The following RAI14 variants were observed in gnomAD, a reference collection of about 807,000 sequenced individuals.
RAI14 encodes ankycorbin.
Under a neutral mutation model 115.4 loss-of-function variants are expected in RAI14, and 45 were observed. The observed-to-expected ratio is 0.39, with a 90% CI of 0.31 to 0.50. RAI14 has a LOEUF of 0.50. RAI14 is among the 20% of genes least tolerant of loss of function. The pLI, the probability that RAI14 is intolerant of heterozygous loss-of-function variation, is 0.85. For synonymous variants in RAI14, 371 were observed against 415.4 expected (o/e 0.89, Z 1.30); for missense variants, 939 against 1,131.2 (o/e 0.83, Z 2.44).
rs764853413 is a variant in RAI14 at position 34,752,701 on chromosome 5, A to ATGTGTG, written c.37-4766_37-4765insGTGTGT. ...TAAGAAATATCTATATTTCTTACAT[A>ATGTGTG]TATGTGTGTGTGTGTGTGTGTGTGT... On this transcript the variant is annotated intron_variant, in intron 2 of 17. Transcript: ENST00000265109. Among the ~76,000 whole-genome samples the ATGTGTG allele has an allele frequency of 5.5e-3, 491 of 90,080 alleles. 5 individuals carry two copies. Among genetic ancestry groups the ATGTGTG allele is most frequent in the Middle Eastern group, 0.025 (4 of 162 alleles). The allele number at this position is 90,080 out of a possible 152,430, so 59.1% of individuals were successfully genotyped here.
chr5:34,751,759 A>G (rs1747057976), intron 2 of RAI14, among the ~76,000 whole-genome samples: 1 of 152,252 alleles, frequency 6.6e-6, no homozygotes. Flanking sequence ...TCTTATACAC[A>G]GGTTGGGGAA....
chr5:34,780,675 A>G (rs1751502287), intron 3 of RAI14, among the ~76,000 whole-genome samples: 1 of 152,194 alleles, frequency 6.6e-6, no homozygotes, highest in African/African-American at 2.4e-5. Context: ...ATAATGAGAT[A>G]CCATCTCACA....
chr5:34,758,937 G>T (rs1269745188), intron 3 of RAI14, among the ~76,000 whole-genome samples: 1 of 152,114 alleles, frequency 6.6e-6, no homozygotes, highest in Non-Finnish European at 1.5e-5. Context: ...AAGAAACCTG[G>T]GGTATCTGTC....
At chr5:34,739,165 A>G (rs1203923168) in intron 2 of RAI14, among the ~76,000 whole-genome samples, 1 of 152,154 alleles carries the variant, frequency 6.6e-6, no homozygotes, top group East Asian at 1.9e-4. Context: ...CACTTACTGA[A>G]TGTTTACCCT....
intron 2 of RAI14, among the ~76,000 whole-genome samples, chr5:34,745,432 T>C (rs912160766): frequency 2.6e-5 from 4 of 152,224 alleles, no homozygotes; most frequent in African/African-American, 7.2e-5. Flanking sequence ...ATTTTTCCTT[T>C]CTGCCATCAT....
intron 2 of RAI14, among the ~76,000 whole-genome samples, chr5:34,734,425 T>G (rs1025901783): frequency 1.3e-5 from 2 of 152,214 alleles, no homozygotes; most frequent in Non-Finnish European, 2.9e-5. Flanking sequence ...GTGGTAACTT[T>G]GTGGTTCGCT....
At chr5:34,747,212 A>G (rs1020388175) in intron 2 of RAI14, among the ~76,000 whole-genome samples, 1 of 152,208 alleles carries the variant, frequency 6.6e-6, no homozygotes, top group African/African-American at 2.4e-5. Context: ...GTGACTGCAT[A>G]TGTTTTTTAA....
chr5:34,704,135 C>T (rs373328094), intron 2 of RAI14, among the ~76,000 whole-genome samples: 6 of 152,152 alleles, frequency 3.9e-5, no homozygotes, highest in Non-Finnish European at 7.4e-5. Flanking sequence ...AGGTCTAATC[C>T]GGCTCAGTCG....
chr5:34,820,756 G>A (rs1475464455), intron 13 of RAI14, among the ~76,000 whole-genome samples: 1 of 152,208 alleles, frequency 6.6e-6, no homozygotes, highest in African/African-American at 2.4e-5. Context: ...GAGGAAGTTT[G>A]CTATCTCTGT....
chr5:34,810,872 G>T (rs1755500857), intron 7 of RAI14, 140 bp from the exon 8 acceptor site: 1 of 1,296,892 alleles, frequency 7.7e-7, no homozygotes. Context: ...TAGGGGTACA[G>T]AATATCAGGT....
rs755427930 is a variant in RAI14, at chr5:34,821,752, A to G, written c.1015A>G (p.Ile339Val). The G allele has an allele frequency of 6.2e-7, 1 of 1,609,024 alleles. No homozygotes were observed. The highest frequency in any genetic ancestry group is 1.3e-5 in the African/African-American group (1 of 74,896). The change falls in exon 14 of 18, where the codon ATA becomes GTA. Residue 339 changes from isoleucine to valine, a missense_variant. Transcript: ENST00000265109. ...STTGADSLLDISSEADQQDLL... is the reference protein window; with the variant it reads ...STTGADSLLDVSSEADQQDLL... ...CCAAGGTGCTGATAGCTTATTGGAT[A>G]TAAGTTCTGAAGCTGACCAACAAGA...
At chr5:34,665,264 G>T (rs1579853234) in intron 1 of RAI14, among the ~76,000 whole-genome samples, 1 of 139,776 alleles carries the variant, frequency 7.2e-6, no homozygotes, top group Non-Finnish European at 1.5e-5. Flanking sequence ...CCACGTTTTT[G>T]CAATCAGTTT....
chr5:34,790,700 T>C (rs1259822739), intron 3 of RAI14, among the ~76,000 whole-genome samples: 12 of 151,146 alleles, frequency 7.9e-5, no homozygotes, highest in Admixed American at 2.0e-4. Context: ...AATAGTAGAA[T>C]ATGGTACAAG....
intron 4 of RAI14, among the ~76,000 whole-genome samples, chr5:34,800,115 A>G (rs1205609820): frequency 2.0e-5 from 3 of 152,222 alleles, no homozygotes; most frequent in East Asian, 1.9e-4. Context: ...TTATAGTGCA[A>G]TATCAACTGT....
chr5:34,688,205 T>C (rs1482193719), intron 2 of RAI14: 8 of 1,551,322 alleles, frequency 5.2e-6, no homozygotes, highest in Non-Finnish European at 2.6e-6. Flanking sequence ...CTGTATGTTA[T>C]GCAGCCTACA....
chr5:34,685,919 T>A (rs1245600997), intron 1 of RAI14: 1 of 152,236 alleles, frequency 6.6e-6, no homozygotes, highest in Non-Finnish European at 1.5e-5. Context: ...TCAGAATTGC[T>A]GAGTCCCACA....
At chr5:34,721,455 C>A (rs1163153626) in intron 2 of RAI14, among the ~76,000 whole-genome samples, 1 of 151,632 alleles carries the variant, frequency 6.6e-6, no homozygotes, top group Non-Finnish European at 1.5e-5. Context: ...CATGCCTAGT[C>A]CAGAGCTCAA....
chr5:34,777,871 TG>T (rs57669915), intron 3 of RAI14, among the ~76,000 whole-genome samples: 5 of 151,008 alleles, frequency 3.3e-5, no homozygotes, highest in South Asian at 2.1e-4. Flanking sequence ...GTGGTGTGTG[TG>T]GGGGGGGTGT....
At position 34,792,664 on chromosome 5, in the gene RAI14, T is replaced by G. The variant is rs140924913; in HGVS notation, c.168-3275T>G. On this transcript the variant is annotated intron_variant, in intron 3 of 17. Transcript: ENST00000265109. The stretch of plus-strand genomic sequence containing the variant: ...TTCTTGCAGAAACACCTTGAAATAA[T>G]GTTTAACTGAATCACATGAACTAGC... Among the ~76,000 whole-genome samples, 659 of 152,314 alleles carry G rather than the reference T, an allele frequency of 4.3e-3. 8 individuals are homozygous for G. The highest frequency in any genetic ancestry group is 0.015 in the African/African-American group (614 of 41,564).
Sources: allele counts gnomAD v4.1 joint callset (sites outside exome capture counted in the v4.1 genomes callset), GRCh38; gene constraint gnomAD v4.1.1; transcripts MANE v1.5; gene names NCBI Gene and HGNC (gene_info 2026-07-23, HGNC 2026-07-21).